The following SLC71A2 variants were observed in gnomAD, a reference collection of about 807,000 sequenced individuals.
SLC71A2 encodes the protein solute carrier family 71 member 2.
chr9:94,384,042 T>C, the SLC71A2 span, among the ~76,000 whole-genome samples: 2 of 152,236 alleles, frequency 1.3e-5, no homozygotes, highest in African/African-American at 2.4e-5. Flanking sequence ...TTAACCATTC[T>C]TAAGTGTAGA....
chr9:94,396,040 T>C, the SLC71A2 span, among the ~76,000 whole-genome samples: 1 of 151,632 alleles, frequency 6.6e-6, no homozygotes, highest in African/African-American at 2.4e-5. Flanking sequence ...TTGTGTATTA[T>C]AGGAGGAGGA....
At chr9:94,425,722 CTAATGT>C in the SLC71A2 span, among the ~76,000 whole-genome samples, 40 of 151,744 alleles carry the variant, frequency 2.6e-4, no homozygotes, top group Admixed American at 1.6e-3. Context: ...AATCTTGTGG[CTAATGT>C]TGGTCCTACA....
At chr9:94,459,768 C>CT in the SLC71A2 span, 1 of 209,740 alleles carries the variant, frequency 4.8e-6, no homozygotes, top group Non-Finnish European at 9.8e-6. Flanking sequence ...TTTCCATGCC[C>CT]TTTTCAGCAG....
the SLC71A2 span, among the ~76,000 whole-genome samples, chr9:94,407,766 T>C: frequency 6.6e-6 from 1 of 152,182 alleles, no homozygotes; most frequent in African/African-American, 2.4e-5. Flanking sequence ...GGTTTTGCTT[T>C]CCATGGTTTC....
the SLC71A2 span, among the ~76,000 whole-genome samples, chr9:94,449,502 C>T: frequency 0.71 from 108,500 of 152,150 alleles, 40,269 homozygotes; most frequent in African/African-American, 0.93. Context: ...AATAACATTA[C>T]TAGCCGTCAA....
the SLC71A2 span, among the ~76,000 whole-genome samples, chr9:94,408,396 AG>A: frequency 6.6e-6 from 1 of 152,194 alleles, no homozygotes; most frequent in Non-Finnish European, 1.5e-5. Context: ...TCCTTGGATA[AG>A]GGGGCAACTA....
chr9:94,458,509 A>G, the SLC71A2 span: 1 of 1,575,558 alleles, frequency 6.3e-7, no homozygotes, highest in Non-Finnish European at 8.7e-7. Flanking sequence ...ATTATGTATG[A>G]TTATAGCAAA....
the SLC71A2 span, among the ~76,000 whole-genome samples, chr9:94,452,227 C>G: frequency 5.9e-5 from 9 of 152,220 alleles, no homozygotes; most frequent in Non-Finnish European, 1.2e-4. Flanking sequence ...AAATGAAAAG[C>G]AGAAATGAAA....
chr9:94,384,921 G>T, the SLC71A2 span, among the ~76,000 whole-genome samples: 6 of 151,800 alleles, frequency 4.0e-5, no homozygotes, highest in Admixed American at 1.3e-4. Flanking sequence ...CTGGTAGTAG[G>T]TTCCTTATAA....
At chr9:94,404,596 G>A in the SLC71A2 span, among the ~76,000 whole-genome samples, 7 of 152,220 alleles carry the variant, frequency 4.6e-5, no homozygotes, top group East Asian at 1.9e-4. Flanking sequence ...CACCGCGCCC[G>A]GCCTATGTGT....
the SLC71A2 span, chr9:94,447,042 C>G: frequency 6.4e-6 from 4 of 628,894 alleles, no homozygotes; most frequent in Non-Finnish European, 1.1e-5. Flanking sequence ...AACATGTGAA[C>G]TTGCTTCTAG....
the SLC71A2 span, chr9:94,445,054 G>A: frequency 6.2e-7 from 1 of 1,614,168 alleles, no homozygotes; most frequent in Non-Finnish European, 8.5e-7. Flanking sequence ...CGTTGTGCTG[G>A]TGGCCACAGT....
the SLC71A2 span, among the ~76,000 whole-genome samples, chr9:94,426,174 G>A: frequency 6.7e-6 from 1 of 150,066 alleles, no homozygotes; most frequent in African/African-American, 2.5e-5. Flanking sequence ...AGCCATAAGA[G>A]ATCTGGGGCA....
At chr9:94,452,314 G>A in the SLC71A2 span, among the ~76,000 whole-genome samples, 19 of 152,162 alleles carry the variant, frequency 1.2e-4, no homozygotes, top group African/African-American at 4.3e-4. Context: ...TATTCAGTGA[G>A]GGCCAGACAC....
At chr9:94,458,551 T>C in the SLC71A2 span, 3 of 1,255,512 alleles carry the variant, frequency 2.4e-6, no homozygotes, top group African/African-American at 3.0e-5. Flanking sequence ...AGAGCATTCT[T>C]TCTTGTATGT....
the SLC71A2 span, among the ~76,000 whole-genome samples, chr9:94,446,623 G>C: frequency 6.6e-6 from 1 of 151,328 alleles, no homozygotes; most frequent in African/African-American, 2.4e-5. Flanking sequence ...TTTTTTTTTA[G>C]CTATATGATT....
chr9:94,446,853 G>A, the SLC71A2 span: 154 of 1,610,516 alleles, frequency 9.6e-5, 3 homozygotes, highest in South Asian at 1.6e-3. Flanking sequence ...AGATTCTACT[G>A]TCTTACTAAT....
At chr9:94,455,156 C>CTTTTTTTT in the SLC71A2 span, among the ~76,000 whole-genome samples, 32 of 27,682 alleles carry the variant, frequency 1.2e-3, 3 homozygotes, top group Admixed American at 2.7e-3. Flanking sequence ...TTGCTCTTTC[C>CTTTTTTTT]TTTTTTTTTT....
chr9:94,406,694 C>T, the SLC71A2 span, among the ~76,000 whole-genome samples: 6 of 152,196 alleles, frequency 3.9e-5, no homozygotes, highest in African/African-American at 1.4e-4. Flanking sequence ...TTCTAAGTTT[C>T]ATTTTAACAT....
Sources: allele counts gnomAD v4.1 joint callset (sites outside exome capture counted in the v4.1 genomes callset), GRCh38; gene constraint gnomAD v4.1.1; transcripts MANE v1.5; gene names NCBI Gene and HGNC (gene_info 2026-07-23, HGNC 2026-07-21).